ANKRD30A: variants seen among roughly 807,000 people sequenced by gnomAD.
ANKRD30A encodes the protein ankyrin repeat domain-containing protein 30A.
Under a neutral mutation model 166.3 loss-of-function variants are expected in ANKRD30A, and 170 were observed. The ratio of observed to expected loss-of-function variants is 1.02; its 90% CI spans 0.90 to 1.16. ANKRD30A has a LOEUF of 1.16. Ranked by LOEUF, ANKRD30A falls within the 50% of genes most tolerant of loss-of-function variation. The pLI is 0.00. For synonymous variants in ANKRD30A, 564 were observed against 508.9 expected, an observed-to-expected ratio of 1.11 and a Z score of -1.46; for missense variants, 1,630 against 1,518.0, an observed-to-expected ratio of 1.07 and a Z score of -1.23.
At chr10:37,202,396 A>C (rs1841690984) in intron 31 of ANKRD30A, among the ~76,000 whole-genome samples, 1 of 152,198 alleles carries the variant, frequency 6.6e-6, no homozygotes, top group Non-Finnish European at 1.5e-5. Context: ...TACTGGGTAC[A>C]TAACGAAATC....
In ANKRD30A at chr10:37,192,712, G is replaced by A. The variant is rs556673640; in HGVS notation, c.2513-352G>A. On this transcript the variant is annotated intron_variant, in intron 25 of 35. Transcript: ENST00000361713. ...CTTAGTCATTTATTCTGTTTTGGTG[G>A]GGTGTGGCATGACTTGGTCATCTTA... Among the ~76,000 whole-genome samples the A allele has an allele frequency of 1.4e-4, 22 of 152,060 alleles. 1 individual carries two copies. In the Middle Eastern group the frequency reaches 0.02, roughly 141 times the overall value.
chr10:37,160,657 A>G (rs537489975), intron 15 of ANKRD30A, among the ~76,000 whole-genome samples: 1 of 152,288 alleles, frequency 6.6e-6, no homozygotes, highest in African/African-American at 2.4e-5. Flanking sequence ...TTTGTTTATA[A>G]TGAAAAGAAT....
In ANKRD30A at chr10:37,165,149, T is replaced by C. The variant is rs1839212881; in HGVS notation, c.2058T>C (p.Asp686=). ...KQKDYEENSW[D]TESLCETVSQ... ...AGGACTATGAAGAAAATTCTTGGGATACTGAGGTACTGTGTGTTGTTGATT... is the reference window on the plus strand; with the variant it reads ...AGGACTATGAAGAAAATTCTTGGGACACTGAGGTACTGTGTGTTGTTGATT... Residue 686 remains aspartate, a synonymous_variant, in exon 18 of 36, where the codon GAT becomes GAC. Transcript: ENST00000361713. 1 of 1,606,882 alleles carries C rather than the reference T, an allele frequency of 6.2e-7. No individual in the cohort carries two copies. The highest frequency in any genetic ancestry group is 2.2e-5 in the East Asian group (1 of 44,686).
the ANKRD30A span, among the ~76,000 whole-genome samples, chr10:37,263,210 A>T: frequency 6.6e-6 from 1 of 151,246 alleles, no homozygotes; most frequent in East Asian, 1.9e-4. Context: ...AAAAAAAAAA[A>T]TGAGTATGAG....
Position 37,149,803 on chromosome 10 carries a change from T to G in ANKRD30A, c.1599T>G (p.Val533=). 1 of 1,612,964 alleles carries G rather than the reference T, an allele frequency of 6.2e-7. No individual in the cohort carries two copies. The highest frequency in any genetic ancestry group is 8.5e-7 in the Non-Finnish European group (1 of 1,179,180). Residue 533 remains valine (V), a synonymous_variant, in exon 11 of 36, where the codon GTT becomes GTG. Transcript: ENST00000361713. ...FKPAIEMQNS[V]PNKAFELKNE... ...CTGCCATTGAAATGCAAAACTCTGT[T>G]CCAAATAAAGCCTTTGAATTGAAGA...
At chr10:37,256,769 T>C in the ANKRD30A span, among the ~76,000 whole-genome samples, 2 of 152,232 alleles carry the variant, frequency 1.3e-5, no homozygotes, top group African/African-American at 4.8e-5. Context: ...GGATAAGCTT[T>C]TGGATGTGCT....
chr10:37,195,207 A>C (rs1488229200), intron 27 of ANKRD30A, among the ~76,000 whole-genome samples: 25 of 152,216 alleles, frequency 1.6e-4, no homozygotes, highest in Admixed American at 1.5e-3. Flanking sequence ...GCTCTTGTAT[A>C]TGAAATAATG....
the ANKRD30A span, among the ~76,000 whole-genome samples, chr10:37,238,215 A>G: frequency 6.6e-6 from 1 of 152,180 alleles, no homozygotes; most frequent in Non-Finnish European, 1.5e-5. Flanking sequence ...TACCCTCAGC[A>G]GTTCTTTGTG....
chr10:37,233,884 T>C (rs1843554574), downstream of ANKRD30A, among the ~76,000 whole-genome samples: 1 of 152,150 alleles, frequency 6.6e-6, no homozygotes, highest in African/African-American at 2.4e-5. Context: ...CATTTTTGGC[T>C]ATAATTCTAG....
At chr10:37,202,394 A>G (rs1436410215) in intron 31 of ANKRD30A, among the ~76,000 whole-genome samples, 1 of 152,174 alleles carries the variant, frequency 6.6e-6, no homozygotes, top group Non-Finnish European at 1.5e-5. Flanking sequence ...ACTACTGGGT[A>G]CATAACGAAA....
the ANKRD30A span, among the ~76,000 whole-genome samples, chr10:37,239,977 A>G: frequency 6.6e-6 from 1 of 152,114 alleles, no homozygotes; most frequent in Non-Finnish European, 1.5e-5. Flanking sequence ...CTAGAACAGG[A>G]GAAAGGTACA....
chr10:37,231,526 A>G lies in ANKRD30A; in HGVS notation c.*57A>G. The G allele has an allele frequency of 6.7e-7, 1 of 1,487,798 alleles. No individual in the cohort carries two copies. Among genetic ancestry groups the G allele is most frequent in the Admixed American group, 1.9e-5 (1 of 52,308 alleles). 92.2% of individuals were successfully genotyped at this position (1,487,798 alleles called of 1,614,324 possible). On this transcript the variant is annotated 3_prime_UTR_variant, in exon 35 of 36. Transcript: ENST00000361713. ...AACAACAGACCAGATCTTTACTCAC[A>G]ACTCATGCTAGGAGGCCAGTCCTAG...
chr10:37,166,540 A>T (rs1414975295), intron 18 of ANKRD30A, 65 bp from the exon 19 acceptor site: 1 of 1,393,024 alleles, frequency 7.2e-7, no homozygotes, highest in East Asian at 2.5e-5. Flanking sequence ...TAATTAGGAA[A>T]TTTTGATACT....
At chr10:37,183,210 C>T (rs371212766) in intron 24 of ANKRD30A, among the ~76,000 whole-genome samples, 8,207 of 147,760 alleles carry the variant, frequency 0.056, 1 homozygote, top group Middle Eastern at 0.1. Context: ...CTTTCCAATA[C>T]GCATTACAAC....
the ANKRD30A span, among the ~76,000 whole-genome samples, chr10:37,249,017 T>G: frequency 2.0e-5 from 3 of 152,162 alleles, no homozygotes; most frequent in Non-Finnish European, 4.4e-5. Flanking sequence ...CCCAGATCAG[T>G]TCCAGTGCTA....
At chr10:37,151,759 A>G (rs575428331) in intron 11 of ANKRD30A, among the ~76,000 whole-genome samples, 2 of 152,248 alleles carry the variant, frequency 1.3e-5, no homozygotes, top group South Asian at 4.1e-4. Context: ...AACAGCAAAT[A>G]TAGGACATAC....
chr10:37,167,827 A>G (rs867930999), intron 19 of ANKRD30A, among the ~76,000 whole-genome samples: 1 of 147,150 alleles, frequency 6.8e-6, no homozygotes, highest in African/African-American at 2.6e-5. Context: ...TGAGATGTCA[A>G]TTCTACATTC....
Position 37,225,988 on chromosome 10 carries a change from C to T in ANKRD30A, c.4186-5473C>T, listed in dbSNP as rs376866130. ...TCCTTGCTCAGTTCTAGGGAACCAC[C>T]GATCTACTGTGTTTGTATATATTTG... On this transcript the variant is annotated intron_variant, in intron 34 of 35. Coordinates refer to ENST00000361713, the MANE Select transcript of ANKRD30A (RefSeq NM_052997.3). 3.3e-5 allele frequency among the ~76,000 whole-genome samples: 5 copies of T among 151,620 alleles called. No individual in the cohort carries two copies. The East Asian group carries it at 5.9e-4, about 18-fold the overall frequency.
At chr10:37,261,476 G>T in the ANKRD30A span, among the ~76,000 whole-genome samples, 1 of 151,968 alleles carries the variant, frequency 6.6e-6, no homozygotes, top group Non-Finnish European at 1.5e-5. Context: ...ATTTAGCAAA[G>T]AATTAAAGAT....
Sources: allele counts gnomAD v4.1 joint callset (sites outside exome capture counted in the v4.1 genomes callset), GRCh38; gene constraint gnomAD v4.1.1; transcripts MANE v1.5; gene names NCBI Gene and HGNC (gene_info 2026-07-23, HGNC 2026-07-21).